Variants in AGBL1 observed in about 807,000 individuals in gnomAD.
AGBL1 encodes the protein AGBL carboxypeptidase 1.
Under a neutral mutation model 118.9 loss-of-function variants are expected in AGBL1, and 130 were observed. That is an observed-to-expected ratio of 1.09 (90% CI 0.95 to 1.26). The LOEUF (loss-of-function observed/expected upper bound fraction) is 1.26, where lower values mean the gene tolerates loss of function less well. Among genes scored for constraint, AGBL1 ranks in the 50% most tolerant of loss-of-function variants. The pLI is 0.00. For synonymous variants in AGBL1, 555 were observed against 478.9 expected (o/e 1.16, Z -2.08); for missense variants, 1,584 against 1,298.1 (o/e 1.22, Z -3.38).
intron 23 of AGBL1, among the ~76,000 whole-genome samples, chr15:86,928,099 A>G (rs1206285209): frequency 6.6e-6 from 1 of 152,236 alleles, no homozygotes; most frequent in African/African-American, 2.4e-5. Flanking sequence ...AGATCCCTGT[A>G]TGGGCCATTT....
chr15:86,160,723 TC>T (rs1287347712), intron 5 of AGBL1, among the ~76,000 whole-genome samples: 1 of 152,184 alleles, frequency 6.6e-6, no homozygotes, highest in Non-Finnish European at 1.5e-5. Flanking sequence ...TCTGGTTTCT[TC>T]CTTTAGATTA....
chr15:86,769,973 G>A (rs1567165575), intron 22 of AGBL1, among the ~76,000 whole-genome samples: 1 of 151,848 alleles, frequency 6.6e-6, no homozygotes, highest in African/African-American at 2.4e-5. Flanking sequence ...AGATTCCGCT[G>A]GGCTCCTCAA....
intron 18 of AGBL1, among the ~76,000 whole-genome samples, chr15:86,512,204 G>A (rs1025710660): frequency 1.1e-4 from 17 of 151,856 alleles, no homozygotes; most frequent in African/African-American, 3.9e-4. Flanking sequence ...CAAGTCTGTC[G>A]CTGAGGTGTC....
chr15:86,664,262 A>G (rs973393489), intron 21 of AGBL1, among the ~76,000 whole-genome samples: 6 of 152,202 alleles, frequency 3.9e-5, no homozygotes, highest in Non-Finnish European at 7.3e-5. Flanking sequence ...TCCAGTCCTC[A>G]GCATGAAAGC....
chr15:86,593,321 A>G (rs2084363742), intron 21 of AGBL1, among the ~76,000 whole-genome samples: 1 of 151,264 alleles, frequency 6.6e-6, no homozygotes, highest in African/African-American at 2.4e-5. Flanking sequence ...TGAGAAAAGA[A>G]CTTAGAAACC....
At chr15:86,295,443 G>A in intron 17 of AGBL1, 35 bp downstream of exon 17, 1 of 1,525,288 alleles carries the variant, frequency 6.6e-7, no homozygotes. Flanking sequence ...TAGAAGATTT[G>A]ACTAAGGGTG....
rs143800241 is a variant in AGBL1 at position 86,423,044 on chromosome 15, C to T, written c.2555+25498C>T. ...CTGGTATCATTTCTTCTGAAACTAT[C>T]TCAAACAATAGAAAAAGAGGGACTC... is the stretch of plus-strand genomic sequence containing the variant. On this transcript the variant is annotated intron_variant, in intron 18 of 22. Coordinates refer to ENST00000614907, the MANE Select transcript of AGBL1 (RefSeq NM_001386094.1). 1.0e-2 allele frequency among the ~76,000 whole-genome samples: 1,518 copies of T among 152,208 alleles called. 31 individuals carry two copies. The highest frequency in any genetic ancestry group is 0.033 in the African/African-American group (1,368 of 41,546).
At chr15:86,747,693 T>C (rs1178729369) in intron 22 of AGBL1, among the ~76,000 whole-genome samples, 6 of 152,162 alleles carry the variant, frequency 3.9e-5, no homozygotes. Flanking sequence ...GTGTTCTCTT[T>C]GTTCAGTTCC....
At chr15:86,457,827 C>G (rs2082279629) in intron 18 of AGBL1, among the ~76,000 whole-genome samples, 1 of 152,132 alleles carries the variant, frequency 6.6e-6, no homozygotes, top group Admixed American at 6.5e-5. Flanking sequence ...ATGCCAGACA[C>G]ACATACTCCA....
At chr15:86,819,867 C>T (rs1218762023) in intron 22 of AGBL1, among the ~76,000 whole-genome samples, 2 of 152,072 alleles carry the variant, frequency 1.3e-5, no homozygotes, top group Admixed American at 6.6e-5. Context: ...AAGCTAGAGG[C>T]ATCACGCTAC....
At chr15:86,574,626 G>A (rs1368296431) in intron 21 of AGBL1, among the ~76,000 whole-genome samples, 1 of 129,198 alleles carries the variant, frequency 7.7e-6, no homozygotes, top group Admixed American at 1.0e-4. Flanking sequence ...CACCCAGGCT[G>A]GAGTGCGATG....
chr15:86,925,995 G>T (rs141746327), intron 23 of AGBL1, among the ~76,000 whole-genome samples: 1,858 of 152,200 alleles, frequency 0.012, 37 homozygotes, highest in African/African-American at 0.043. Flanking sequence ...CTCCCAAAGT[G>T]CTGGGATTAT....
intron 21 of AGBL1, among the ~76,000 whole-genome samples, chr15:86,628,157 A>G (rs28669147): frequency 0.5 from 75,099 of 151,500 alleles, 19,355 homozygotes; most frequent in East Asian, 0.79. Flanking sequence ...GGTTTGTTAC[A>G]TAGCTTGCTG....
chr15:86,751,044 T>A lies in AGBL1; in HGVS notation c.3158+76608T>A, dbSNP rs28416062. ...TTTTTTAAATACAGTCTATTGTCAG[T>A]AGGAATGTAGGTTGATTCCATGTCT... On this transcript the variant is annotated intron_variant, in intron 22 of 22. Transcript: ENST00000614907. Among the ~76,000 whole-genome samples, 330 of 152,242 alleles carry A rather than the reference T, an allele frequency of 2.2e-3. 1 individual carries two copies. The highest frequency in any genetic ancestry group is 7.6e-3 in the African/African-American group (314 of 41,568).
At chr15:86,386,539 C>T (rs2081198560) in intron 17 of AGBL1, among the ~76,000 whole-genome samples, 1 of 151,654 alleles carries the variant, frequency 6.6e-6, no homozygotes, top group Non-Finnish European at 1.5e-5. Context: ...CCCTTTTCCT[C>T]ACATACTCTT....
intron 22 of AGBL1, among the ~76,000 whole-genome samples, chr15:86,881,337 C>A (rs1023148409): frequency 2.0e-5 from 3 of 152,166 alleles, no homozygotes; most frequent in African/African-American, 7.2e-5. Context: ...CTGCAAACCT[C>A]CACATCCTCC....
chr15:86,208,584 T>C (rs960769266), intron 5 of AGBL1, among the ~76,000 whole-genome samples: 13 of 152,334 alleles, frequency 8.5e-5, no homozygotes, highest in Middle Eastern at 3.4e-3. Context: ...CCATTTCTTC[T>C]AGATTTTCTA....
At position 86,409,065 on chromosome 15, in the gene AGBL1, G is replaced by C. The variant is rs549883807; in HGVS notation, c.2555+11519G>C. Among the ~76,000 whole-genome samples the C allele has an allele frequency of 1.1e-4, 16 of 152,310 alleles. No homozygotes were observed. In the South Asian group the frequency reaches 3.3e-3, roughly 32 times the overall value. ...TTTTAAAAAATATGCAGAAGTAACT[G>C]TTTTCTGCCTTAAATTCCTGCCTGG... On this transcript the variant is annotated intron_variant, in intron 18 of 22. Transcript: ENST00000614907.
At chr15:86,111,798 C>G (rs1307413783) in intron 1 of AGBL1, among the ~76,000 whole-genome samples, 1 of 152,202 alleles carries the variant, frequency 6.6e-6, no homozygotes, top group Non-Finnish European at 1.5e-5. Flanking sequence ...ATGTTAGGAA[C>G]CAGGCCACAC....
Sources: gnomAD v4.1 joint callset for allele counts (sites outside exome capture counted in the v4.1 genomes callset) on GRCh38, gnomAD v4.1.1 for gene constraint, MANE v1.5 for transcripts, NCBI Gene and HGNC (gene_info 2026-07-23, HGNC 2026-07-21) for gene names.